BICDL2: variants seen among roughly 807,000 people sequenced by gnomAD.
The protein encoded by BICDL2 is BICD family-like cargo adapter 2.
BICDL2 carries 62 observed loss-of-function variants against 56.6 expected under a neutral mutation model. That is an observed-to-expected ratio of 1.10 (90% confidence interval 0.89 to 1.35). The LOEUF (loss-of-function observed/expected upper bound fraction) is 1.35, where lower values mean the gene tolerates loss of function less well. Ranked by LOEUF, BICDL2 falls within the 40% of genes most tolerant of loss-of-function variation. The pLI is 0.00. For synonymous variants in BICDL2, 358 were observed against 319.8 expected (o/e 1.12, Z -1.27); for missense variants, 808 against 684.5 (o/e 1.18, Z -2.01).
At position 3,028,682 on chromosome 16, in the gene BICDL2, C is replaced by T; in HGVS notation, c.1238+18G>A. 6.4e-7 allele frequency: 1 copy of T among 1,564,894 alleles called. No individual in the cohort carries two copies. The highest frequency in any genetic ancestry group is 1.2e-5 in the South Asian group (1 of 85,104). On this transcript the variant is annotated intron_variant, in intron 8 of 9. Coordinates refer to ENST00000572449, the MANE Select transcript of BICDL2 (RefSeq NM_001369667.1). ...GCCCAGAGGGCGCTGGGGCGGTGGT[C>T]AATGGCTTGAGGCTTACTTGTTCAC...
At chr16:3,031,365 C>T (rs895656761) in intron 2 of BICDL2, 5 of 583,580 alleles carry the variant, frequency 8.6e-6, no homozygotes. Flanking sequence ...GACGCGTGGG[C>T]CCGGGGCAAG....
At position 3,029,574 on chromosome 16, in the gene BICDL2, G is replaced by T; in HGVS notation, c.928C>A (p.Gln310Lys). ...AHSLDDGDQG[Q>K]GADAPGDTPT... is the part of the protein sequence containing the mutation. The stretch of plus-strand genomic sequence containing the variant: ...GTGTCTCCGGGTGCGTCGGCGCCCT[G>T]GCCCTGGTCGCCGTCGTCGAGGCTG... The change falls in exon 6 of 10, where the codon CAG becomes AAG. Residue 310 changes from glutamine to lysine, a missense_variant. Coordinates refer to ENST00000572449, the MANE Select transcript of BICDL2 (RefSeq NM_001369667.1). 6.5e-7 allele frequency: 1 copy of T among 1,545,842 alleles called. No homozygotes were observed.
chr16:3,036,325 C>G lies in BICDL2; in HGVS notation c.-31+569G>C, dbSNP rs1178900946. 6.7e-6 allele frequency: 3 copies of G among 446,078 alleles called. No individual in the cohort carries two copies. The Admixed American group carries it at 7.6e-5, about 11-fold the overall frequency. The allele number at this position is 446,078 out of a possible 1,614,324, so 27.6% of individuals were successfully genotyped here. A position where few individuals can be genotyped will look rare whatever the true frequency, so the allele number is the denominator to read the frequency against. On this transcript the variant is annotated intron_variant, in intron 1 of 9. Transcript: ENST00000572449. ...CGCGGCTCGGAGTTTCTGTTTACTT[C>G]CCGGTCCGCCCCTGGGGACGGGAGC... is the stretch of plus-strand genomic sequence containing the variant.
At chr16:3,035,840 AC>A in intron 1 of BICDL2, 1 of 361,888 alleles carries the variant, frequency 2.8e-6, no homozygotes, top group Non-Finnish European at 5.1e-6. Context: ...TCTTCCCAGA[AC>A]CCAGCAGTTT....
chr16:3,029,633 A>ACGTCGG lies in BICDL2; in HGVS notation c.863_868dup (p.Ala288_Asp289dup). ...TTCTGACTGCAACGAGGCAGCCGAC[A>ACGTCGG]CGTCGGCGTCCTGGAGGCGTGACTC... On this transcript the variant is annotated inframe_insertion, in exon 6 of 10. Transcript: ENST00000572449. 6.5e-7 allele frequency: 1 copy of ACGTCGG among 1,536,340 alleles called. No individual in the cohort carries two copies. Among genetic ancestry groups the ACGTCGG allele is most frequent in the East Asian group, 2.4e-5 (1 of 40,970 alleles).
Position 3,029,222 on chromosome 16 carries a change from G to A in BICDL2, c.1107+58C>T, listed in dbSNP as rs1300257062. The A allele has an allele frequency of 3.2e-6, 5 of 1,571,534 alleles. No homozygotes were observed. In the African/African-American group the frequency reaches 4.1e-5, roughly 13 times the overall value. The stretch of plus-strand genomic sequence containing the variant: ...GGCAAAGGCTGGGAGGTGGACATGG[G>A]AGACAGAAACTGACAGCTGGAGGGG... On this transcript the variant is annotated intron_variant, in intron 7 of 9. Transcript: ENST00000572449.
rs1309198573 is a variant in BICDL2, at chr16:3,027,743, C to G, written c.*363G>C. 7.1e-7 allele frequency: 1 copy of G among 1,411,690 alleles called. No homozygotes were observed. The highest frequency in any genetic ancestry group is 1.5e-5 in the African/African-American group (1 of 66,974). 87.4% of individuals were successfully genotyped at this position (1,411,690 alleles called of 1,614,324 possible). ...TTTTTTTTTACAATAAAGTTTCAGG[C>G]TTTTTTACCATGCTCTTTCTTTCTA... is the stretch of plus-strand genomic sequence containing the variant. On this transcript the variant is annotated 3_prime_UTR_variant, in exon 10 of 10. Transcript: ENST00000572449.
In BICDL2 at chr16:3,030,804, C is replaced by T. The variant is rs1955642364; in HGVS notation, c.507G>A (p.Gln169=). 1 of 1,607,216 alleles carries T rather than the reference C, an allele frequency of 6.2e-7. No homozygotes were observed. Among genetic ancestry groups the T allele is most frequent in the African/African-American group, 1.3e-5 (1 of 74,878 alleles). Residue 169 remains glutamine, a synonymous_variant, in exon 4 of 10, where the codon CAG becomes CAA. Transcript: ENST00000572449. ...GTTCCCTCTGAAGTTCCTGCTCAGTCTGGGAGGCCTGGGGAGGTGGAAAGA... is the reference window on the plus strand; with the variant it reads ...GTTCCCTCTGAAGTTCCTGCTCAGTTTGGGAGGCCTGGGGAGGTGGAAAGA... The part of the protein sequence containing the change: ...RLSQQLAQAS[Q]TEQELQRELD...
intron 8 of BICDL2, 90 bp downstream of exon 8, chr16:3,028,610 G>C (rs985225693): frequency 6.8e-7 from 1 of 1,475,246 alleles, no homozygotes; most frequent in African/African-American, 1.8e-5. Context: ...GGTGGGAGTG[G>C]GGATCATTAT....
intron 2 of BICDL2, among the ~76,000 whole-genome samples, chr16:3,033,289 A>C (rs1021150864): frequency 6.6e-6 from 1 of 151,970 alleles, no homozygotes; most frequent in African/African-American, 2.4e-5. Flanking sequence ...TGGGCGACAG[A>C]GCGAGACTCC....
intron 9 of BICDL2, 24 bp from the exon 10 acceptor site, chr16:3,028,297 A>G (rs1955583772): frequency 1.3e-6 from 2 of 1,526,920 alleles, no homozygotes; most frequent in South Asian, 1.2e-5. Context: ...TGGTCGGCTC[A>G]GCGCCGGTCC....
rs1185936135 is a variant in BICDL2, at chr16:3,029,211, G to A, written c.1107+69C>T. ...GGAGCTTAGTGGGCAAAGGCTGGGAGGTGGACATGGGAGACAGAAACTGAC... is the reference window on the plus strand; with the variant it reads ...GGAGCTTAGTGGGCAAAGGCTGGGAAGTGGACATGGGAGACAGAAACTGAC... On this transcript the variant is annotated intron_variant, in intron 7 of 9. Coordinates refer to ENST00000572449, the MANE Select transcript of BICDL2 (RefSeq NM_001369667.1). 5.8e-6 allele frequency: 9 copies of A among 1,550,506 alleles called. No homozygotes were observed. The African/African-American group carries it at 6.8e-5, about 12-fold the overall frequency.
chr16:3,035,384 A>T lies in BICDL2; in HGVS notation c.113T>A (p.Leu38Gln). ...PFVLERRDSFLGGGPGPEEPE... is the reference protein window; with the variant it reads ...PFVLERRDSFQGGGPGPEEPE... ...CTCCTCAGGCCCTGGGCCCCCTCCC[A>T]GGAATGAGTCCCGCCGCTCCAGCAC... The change falls in exon 2 of 10, where the codon CTG becomes CAG. Residue 38 changes from leucine (L) to glutamine (Q), a missense_variant. Transcript: ENST00000572449. 3 of 1,609,350 alleles carry T rather than the reference A, an allele frequency of 1.9e-6. No individual in the cohort carries two copies. The highest frequency in any genetic ancestry group is 2.5e-6 in the Non-Finnish European group (3 of 1,178,694).
intron 1 of BICDL2, chr16:3,036,345 G>A (rs763143954): frequency 1.6e-5 from 7 of 442,336 alleles, no homozygotes; most frequent in South Asian, 1.1e-4. Context: ...CCCTGGGGAC[G>A]GGAGCCCTGG....
Position 3,027,712 on chromosome 16 carries a change from T to G in BICDL2, c.*394A>C. 1 of 534,706 alleles carries G rather than the reference T, an allele frequency of 1.9e-6. No homozygotes were observed. Among genetic ancestry groups the G allele is most frequent in the Non-Finnish European group, 2.6e-6 (1 of 388,072 alleles). 33.1% of individuals were successfully genotyped at this position (534,706 alleles called of 1,614,324 possible). The stretch of plus-strand genomic sequence containing the variant: ...GTTTTAGAGTGTTTTTCATTTTCTT[T>G]TTTTTTTTTTTTTTACAATAAAGTT... On this transcript the variant is annotated 3_prime_UTR_variant, in exon 10 of 10. Transcript: ENST00000572449.
intron 2 of BICDL2, chr16:3,031,460 G>T: frequency 1.9e-6 from 1 of 536,274 alleles, no homozygotes; most frequent in South Asian, 2.9e-5. Context: ...CGCCGTTTTT[G>T]GCGCCTGAGT....
chr16:3,035,176 T>TCCCCCCCCCCCCCCCCCCCCCCCC, intron 2 of BICDL2, 39 bp downstream of exon 2: 2 of 136,274 alleles, frequency 1.5e-5, no homozygotes, highest in Non-Finnish European at 1.4e-5. Context: ...CGTCCTCCCC[T>TCCCCCCCCCCCCCCCCCCCCCCCC]GCCCACCCAC....
chr16:3,031,331 A>C, intron 2 of BICDL2, 181 bp from the exon 3 acceptor site: 1 of 612,152 alleles, frequency 1.6e-6, no homozygotes, highest in South Asian at 2.0e-5. Context: ...CCAGAGATTT[A>C]GAGGGAAGGT....
chr16:3,036,704 G>A (rs1049150323), intron 1 of BICDL2, 190 bp downstream of exon 1: 4 of 441,516 alleles, frequency 9.1e-6, no homozygotes, highest in South Asian at 4.7e-5. Context: ...TCCAGCCCCA[G>A]GCGTCGGAAG....
Sources: gnomAD v4.1 joint callset for allele counts (sites outside exome capture counted in the v4.1 genomes callset) on GRCh38, gnomAD v4.1.1 for gene constraint, MANE v1.5 for transcripts, NCBI Gene and HGNC (gene_info 2026-07-23, HGNC 2026-07-21) for gene names.